Variants in GMEB2 observed in about 807,000 individuals in gnomAD.
GMEB2 encodes the protein glucocorticoid modulatory element binding protein 2.
In GMEB2, 7 loss-of-function variants were observed where a neutral mutation model predicts 45.7. The observed-to-expected ratio is 0.15, with a 90% CI of 0.09 to 0.29. GMEB2 has a LOEUF of 0.29. GMEB2 is among the 10% of genes least tolerant of loss of function. The pLI, the probability that GMEB2 is intolerant of heterozygous loss-of-function variation, is 1.00. For missense variants in GMEB2, 582 were observed against 739.2 expected (o/e 0.79, Z 2.47); for synonymous variants, 322 against 323.6 (o/e 1.00, Z 0.05).
intron 9 of GMEB2, among the ~76,000 whole-genome samples, chr20:63,591,605 A>G (rs2083147836): frequency 6.6e-6 from 1 of 152,068 alleles, no homozygotes; most frequent in Non-Finnish European, 1.5e-5. Context: ...CTGGGATTAC[A>G]GGCACACACC....
chr20:63,622,903 C>T (rs747637266), intron 1 of GMEB2, among the ~76,000 whole-genome samples: 4 of 152,200 alleles, frequency 2.6e-5, no homozygotes, highest in Non-Finnish European at 5.9e-5. Context: ...GCGTTACTGA[C>T]GCCAGCCTGG....
intron 4 of GMEB2, among the ~76,000 whole-genome samples, chr20:63,599,568 T>C: frequency 6.6e-6 from 1 of 152,262 alleles, no homozygotes; most frequent in East Asian, 1.9e-4. Flanking sequence ...CCTCTGCTCC[T>C]GCGCTGCTTT....
chr20:63,612,056 G>A (rs904275635), intron 2 of GMEB2, among the ~76,000 whole-genome samples: 11 of 152,002 alleles, frequency 7.2e-5, no homozygotes, highest in African/African-American at 1.7e-4. Context: ...ACTCTGTTTC[G>A]AAAAACAAAA....
At chr20:63,604,060 A>AG (rs2089498447) in intron 3 of GMEB2, among the ~76,000 whole-genome samples, 1 of 119,010 alleles carries the variant, frequency 8.4e-6, no homozygotes, top group South Asian at 2.5e-4. Context: ...TCTCAAAAAA[A>AG]AAAAAAAAAA....
At position 63,590,142 on chromosome 20, in the gene GMEB2, G is replaced by T; in HGVS notation, c.1540C>A (p.His514Asn). Residue 514 changes from histidine to asparagine, a missense_variant, in exon 10 of 10, where the codon CAC becomes AAC. Physicochemically the swap from His to Asn is moderately conservative, Grantham distance 68. This residue lies in a region of GMEB2 where 462 missense variants were observed against 586.7 expected (regional missense o/e 0.79). Coordinates refer to ENST00000370077, the MANE Select transcript of GMEB2 (RefSeq NM_012384.5). Reference protein sequence around the residue: ...PAGAAPGPEEHTATIEVAAMA... With the variant: ...PAGAAPGPEENTATIEVAAMA... ...GCAGCCACCTCAATGGTGGCCGTGT[G>T]CTCCTCAGGCCCGGGGGCAGCCCCT... The T allele has an allele frequency of 6.4e-7, 1 of 1,554,242 alleles. No homozygotes were observed. The highest frequency in any genetic ancestry group is 8.7e-7 in the Non-Finnish European group (1 of 1,148,752).
rs1219753780 is a variant in GMEB2 at position 63,619,258 on chromosome 20, C to T, written c.131+9G>A. On this transcript the variant is annotated intron_variant, in intron 2 of 9. Transcript: ENST00000370077. This position sits in a 1 kb window ranked among gnomAD's most constrained non-coding sequence, Gnocchi z 4.6. ...CATCAGCCCCAATGGCACCGAGGCC[C>T]GAGCTTACCCGTGAGGGGCCAAGTT... The T allele has an allele frequency of 5.0e-6, 8 of 1,606,228 alleles. No homozygotes were observed. The highest frequency in any genetic ancestry group is 5.9e-6 in the Non-Finnish European group (7 of 1,177,594).
At chr20:63,618,600 A>G (rs1328880081) in intron 2 of GMEB2, among the ~76,000 whole-genome samples, 1 of 152,210 alleles carries the variant, frequency 6.6e-6, no homozygotes, top group Admixed American at 6.5e-5. Context: ...GTCAGCATGA[A>G]GATGCCACAC....
chr20:63,615,763 G>A (rs900384842), intron 2 of GMEB2, among the ~76,000 whole-genome samples: 20 of 152,260 alleles, frequency 1.3e-4, no homozygotes, highest in African/African-American at 3.6e-4. Flanking sequence ...CTGGGAACGC[G>A]AGGGGCACGT....
chr20:63,592,694 G>C lies in GMEB2; in HGVS notation c.692-24C>G, dbSNP rs550589899. The C allele has an allele frequency of 6.2e-7, 1 of 1,608,110 alleles. No individual in the cohort carries two copies. The highest frequency in any genetic ancestry group is 8.5e-7 in the Non-Finnish European group (1 of 1,175,640). On this transcript the variant is annotated intron_variant, in intron 7 of 9. Transcript: ENST00000370077. The surrounding 1 kb of genome is among the most constrained non-coding windows in gnomAD (Gnocchi z 8.2). The stretch of plus-strand genomic sequence containing the variant: ...ATCTGTGAGGGAAGGAGTGGGTTCA[G>C]TGGGCAGGGAAAGTGCTGCTACACG...
intron 1 of GMEB2, among the ~76,000 whole-genome samples, chr20:63,623,763 A>T (rs1170077836): frequency 6.6e-6 from 1 of 151,746 alleles, no homozygotes; most frequent in Non-Finnish European, 1.5e-5. Flanking sequence ...ATGCCACTGC[A>T]CTCAAGCCTG....
At position 63,588,622 on chromosome 20, in the gene GMEB2, G is replaced by A; in HGVS notation, c.*1467C>T. 1 of 397,960 alleles carries A rather than the reference G, an allele frequency of 2.5e-6. No individual in the cohort carries two copies. Among genetic ancestry groups the A allele is most frequent in the Non-Finnish European group, 4.4e-6 (1 of 226,102 alleles). 24.7% of individuals were successfully genotyped at this position (397,960 alleles called of 1,614,324 possible). On this transcript the variant is annotated 3_prime_UTR_variant, in exon 10 of 10. Transcript: ENST00000370077. ...GGGCCCTGGTGACAATGGCGCAGAG[G>A]TGGGGTCTGGGCCGCTCACTGGACG...
At chr20:63,605,222 G>C (rs1440984202) in intron 2 of GMEB2, among the ~76,000 whole-genome samples, 2 of 150,298 alleles carry the variant, frequency 1.3e-5, no homozygotes, top group African/African-American at 4.9e-5. Flanking sequence ...CTGGGTGAGA[G>C]AGCGAGACTC....
At chr20:63,604,970 G>A in intron 2 of GMEB2, 130 bp from the exon 3 acceptor site, 1 of 646,998 alleles carries the variant, frequency 1.5e-6, no homozygotes, top group Non-Finnish European at 2.8e-6. Context: ...TGGCAGAGGG[G>A]CCGGGTGCGG....
At chr20:63,615,562 G>A (rs1263802083) in intron 2 of GMEB2, among the ~76,000 whole-genome samples, 2 of 152,182 alleles carry the variant, frequency 1.3e-5, no homozygotes, top group Non-Finnish European at 2.9e-5. Flanking sequence ...CTGGGCTCAA[G>A]CAACCCTCCC....
intron 1 of GMEB2, among the ~76,000 whole-genome samples, chr20:63,626,704 C>A (rs974364809): frequency 6.6e-6 from 1 of 150,532 alleles, no homozygotes; most frequent in African/African-American, 2.4e-5. Flanking sequence ...GGAGGCCGAG[C>A]CCGCGCCCGC....
chr20:63,599,301 G>A (rs1215707339), intron 4 of GMEB2, among the ~76,000 whole-genome samples: 8 of 152,348 alleles, frequency 5.3e-5, no homozygotes, highest in South Asian at 2.1e-4. Context: ...CCTCCAGGGC[G>A]TCTCTCTCGA....
intron 6 of GMEB2, among the ~76,000 whole-genome samples, 183 bp downstream of exon 6, chr20:63,595,427 G>A (rs545293893): frequency 6.6e-6 from 1 of 152,374 alleles, no homozygotes; most frequent in African/African-American, 2.4e-5. Flanking sequence ...CAGCAATTCT[G>A]CCAGATCTCC....
Position 63,602,974 on chromosome 20 carries a change from T to C in GMEB2, c.348A>G (p.Lys116=). The C allele has an allele frequency of 6.2e-7, 1 of 1,614,066 alleles. No individual in the cohort carries two copies. The highest frequency in any genetic ancestry group is 8.5e-7 in the Non-Finnish European group (1 of 1,179,962). Residue 116 remains lysine (K), a synonymous_variant, in exon 4 of 10, where the codon AAA becomes AAG. Transcript: ENST00000370077. ...TGCAGCCTGTGCTCACCTGAACACA[T>C]TTCACATTGATGCCGGGACACACAA... ...RKFVCPGINV[K]CVQYDEHVIS...
chr20:63,591,912 G>A, intron 9 of GMEB2, 110 bp downstream of exon 9: 1 of 902,484 alleles, frequency 1.1e-6, no homozygotes, highest in Non-Finnish European at 1.7e-6. Flanking sequence ...TCGCCGTGGT[G>A]GCGGTGACTC....
Sources: allele counts gnomAD v4.1 joint callset (sites outside exome capture counted in the v4.1 genomes callset), GRCh38; gene constraint gnomAD v4.1.1; regional missense constraint gnomAD v4.1.1; non-coding constraint Gnocchi (gnomAD v3.1); transcripts MANE v1.5; gene names NCBI Gene and HGNC (gene_info 2026-07-23, HGNC 2026-07-21).